HERC1: variants seen among roughly 807,000 people sequenced by gnomAD.
The protein encoded by HERC1 is HECT and RLD domain containing E3 ubiquitin protein ligase family member 1.
HERC1 carries 160 observed loss-of-function variants against 554.3 expected under a neutral mutation model. The observed-to-expected ratio is 0.29, with a 90% CI of 0.25 to 0.33. The LOEUF is 0.33. Among genes scored for constraint, HERC1 ranks in the 10% least tolerant of loss-of-function variants. The pLI is 1.00. For missense variants in HERC1, 4,919 were observed against 5,918.5 expected (o/e 0.83, Z 5.54); for synonymous variants, 2,175 against 2,131.7 (o/e 1.02, Z -0.56).
chr15:63,665,048 T>C (rs1048901836), intron 42 of HERC1, among the ~76,000 whole-genome samples: 1 of 151,700 alleles, frequency 6.6e-6, no homozygotes, highest in African/African-American at 2.4e-5. Flanking sequence ...AAATGAAAAA[T>C]AAAGATTTAA....
In HERC1 at chr15:63,640,365, C is replaced by T. The variant is rs749953419; in HGVS notation, c.11688G>A (p.Leu3896=). 10 of 1,613,690 alleles carry T rather than the reference C, an allele frequency of 6.2e-6. No homozygotes were observed. The change falls in exon 61 of 78, where the codon CTG becomes CTA. Residue 3896 remains leucine (L), a synonymous_variant. Transcript: ENST00000443617. ...CTGGAGGGTTACACAACAGCTGATC[C>T]AGATGAAGTCCCACAGCAAGGGAAG... ...CLASLAVGLH[L]DQLLCNPPVP...
chr15:63,684,700 C>G (rs1297348812), intron 34 of HERC1, among the ~76,000 whole-genome samples: 1 of 151,534 alleles, frequency 6.6e-6, no homozygotes, highest in Non-Finnish European at 1.5e-5. Context: ...TCTCTACCTT[C>G]TAGCGGGGGA....
chr15:63,658,573 G>A lies in HERC1; in HGVS notation c.9570C>T (p.Val3190=). The A allele has an allele frequency of 1.9e-6, 3 of 1,613,174 alleles. No homozygotes were observed. The highest frequency in any genetic ancestry group is 2.5e-6 in the Non-Finnish European group (3 of 1,179,352). ...AAQVLLARTM[V]MRALSLLSVS... ...CTGAGAGAAGAGACAGCGCTCTCAT[G>A]ACCATGGTTCTGGCCAGAAGAACCT... is the stretch of plus-strand genomic sequence containing the variant. The change falls in exon 48 of 78, where the codon GTC becomes GTT. Residue 3190 remains valine, a synonymous_variant. Coordinates refer to ENST00000443617, the MANE Select transcript of HERC1 (RefSeq NM_003922.4).
chr15:63,774,527 A>AT (rs1567112603), intron 2 of HERC1, among the ~76,000 whole-genome samples, 167 bp downstream of exon 2: 1 of 152,226 alleles, frequency 6.6e-6, no homozygotes, highest in Non-Finnish European at 1.5e-5. Context: ...ACCATATATT[A>AT]TCAACATGCA....
intron 3 of HERC1, among the ~76,000 whole-genome samples, chr15:63,761,074 A>G (rs989067082): frequency 6.6e-6 from 1 of 152,234 alleles, no homozygotes; most frequent in Non-Finnish European, 1.5e-5. Context: ...AAGATGAACT[A>G]AAGATTATTA....
intron 1 of HERC1, among the ~76,000 whole-genome samples, chr15:63,811,314 A>C (rs919557903): frequency 6.6e-6 from 1 of 152,220 alleles, no homozygotes; most frequent in Non-Finnish European, 1.5e-5. Context: ...TGATGACTAC[A>C]AATTAGTCTC....
chr15:63,827,497 G>A (rs1285719651), intron 1 of HERC1, among the ~76,000 whole-genome samples: 1 of 151,660 alleles, frequency 6.6e-6, no homozygotes, highest in Non-Finnish European at 1.5e-5. Context: ...GTCATTTCCA[G>A]GATATACTAT....
At chr15:63,644,424 T>C (rs2069225272) in intron 57 of HERC1, among the ~76,000 whole-genome samples, 1 of 152,174 alleles carries the variant, frequency 6.6e-6, no homozygotes, top group Non-Finnish European at 1.5e-5. Context: ...TAAAACAATC[T>C]GGTAACAACA....
At chr15:63,805,861 T>C in intron 1 of HERC1, among the ~76,000 whole-genome samples, 1 of 151,584 alleles carries the variant, frequency 6.6e-6, no homozygotes, top group Admixed American at 6.6e-5. Context: ...GAGGATTGCC[T>C]GAGCCTGGGA....
At chr15:63,773,269 C>A (rs754846241) in intron 2 of HERC1, among the ~76,000 whole-genome samples, 9 of 151,858 alleles carry the variant, frequency 5.9e-5, no homozygotes, top group Non-Finnish European at 1.0e-4. Flanking sequence ...CATGGTGAAA[C>A]CCCGTCTCTA....
chr15:63,660,985 T>C lies in HERC1; in HGVS notation c.9211A>G (p.Ser3071Gly). 2 of 1,609,146 alleles carry C rather than the reference T, an allele frequency of 1.2e-6. No individual in the cohort carries two copies. The highest frequency in any genetic ancestry group is 1.7e-5 in the Admixed American group (1 of 59,996). ...QAPDLIGKQD[S>G]VYEEDWDMLD... ...CAAAACAAACTACCTTCATACACAC[T>C]GTCTTGCTTGCCAATTAGATCTGGA... Residue 3071 changes from serine (S) to glycine (G), a missense_variant, in exon 46 of 78, where the codon AGT (serine) becomes GGT (glycine). Around this residue, in one of 11 missense-constraint regions of HERC1, gnomAD observed 1,963 missense variants for 2,228.6 expected, o/e 0.88. Transcript: ENST00000443617.
intron 1 of HERC1, among the ~76,000 whole-genome samples, chr15:63,814,782 A>G (rs774161874): frequency 6.6e-6 from 1 of 152,198 alleles, no homozygotes; most frequent in Non-Finnish European, 1.5e-5. Context: ...ATTAGCTTTC[A>G]AGATGCAGAA....
chr15:63,772,447 TTAAG>T (rs2075982642), intron 2 of HERC1, among the ~76,000 whole-genome samples: 1 of 151,612 alleles, frequency 6.6e-6, no homozygotes. Flanking sequence ...AAATGAGGAA[TTAAG>T]TGACTTCTTA....
At position 63,693,247 on chromosome 15, in the gene HERC1, C is replaced by CT. The variant is rs112964926; in HGVS notation, c.5675-682dup. Among the ~76,000 whole-genome samples the CT allele has an allele frequency of 4.6e-3, 628 of 135,524 alleles. 6 individuals are homozygous for CT. The highest frequency in any genetic ancestry group is 0.025 in the East Asian group (120 of 4,870). 88.9% of individuals were successfully genotyped at this position (135,524 alleles called of 152,430 possible). A position where few individuals can be genotyped will look rare whatever the true frequency, so the allele number is the denominator to read the frequency against. ...CTTGGTGCTGGGGAATTTTCTTTTT[C>CT]TTTTTTTTTTTTTTGAGACAGGCTC... On this transcript the variant is annotated intron_variant, in intron 30 of 77. Coordinates refer to ENST00000443617, the MANE Select transcript of HERC1 (RefSeq NM_003922.4).
At position 63,625,285 on chromosome 15, in the gene HERC1, TC is replaced by T. The variant is rs371529585; in HGVS notation, c.13275+699del. 1.4e-4 allele frequency among the ~76,000 whole-genome samples: 21 copies of T among 152,334 alleles called. 1 individual carries two copies. The South Asian group carries it at 4.1e-3, about 30-fold the overall frequency. ...AGAAGAGAAAAAAGTATCTGAAATT[TC>T]TCAGATTAATTTATGTAACAACCCT... On this transcript the variant is annotated intron_variant, in intron 71 of 77. Transcript: ENST00000443617.
At chr15:63,653,246 G>C (rs1439569062) in intron 51 of HERC1, among the ~76,000 whole-genome samples, 1 of 152,088 alleles carries the variant, frequency 6.6e-6, no homozygotes. Flanking sequence ...TTTGAGACCA[G>C]CCTGGCCAAC....
At chr15:63,776,310 C>T (rs1280194209) in intron 1 of HERC1, among the ~76,000 whole-genome samples, 1 of 152,206 alleles carries the variant, frequency 6.6e-6, no homozygotes, top group Non-Finnish European at 1.5e-5. Flanking sequence ...ACCAGTACCA[C>T]CACCCCACCC....
chr15:63,827,419 G>A (rs2077980013), intron 1 of HERC1, among the ~76,000 whole-genome samples: 1 of 150,274 alleles, frequency 6.7e-6, no homozygotes, highest in Non-Finnish European at 1.5e-5. Flanking sequence ...GTGAGACTGT[G>A]TCTTAAAAAA....
chr15:63,793,355 G>A (rs1172912319), intron 1 of HERC1, among the ~76,000 whole-genome samples: 1 of 152,198 alleles, frequency 6.6e-6, no homozygotes, highest in African/African-American at 2.4e-5. Flanking sequence ...GTGGCCTCTG[G>A]TAGTCCATAC....
Sources: allele counts gnomAD v4.1 joint callset (sites outside exome capture counted in the v4.1 genomes callset), GRCh38; gene constraint gnomAD v4.1.1; regional missense constraint gnomAD v4.1.1; transcripts MANE v1.5; gene names NCBI Gene and HGNC (gene_info 2026-07-23, HGNC 2026-07-21).